Variants in CLEC16A observed in about 807,000 individuals in gnomAD.
The protein encoded by CLEC16A is C-type lectin domain containing 16A.
A neutral mutation model predicts 109.5 loss-of-function variants in CLEC16A; 51 were observed. That is an observed-to-expected ratio of 0.47 (90% confidence interval 0.37 to 0.59). The LOEUF is 0.59. CLEC16A is among the 20% of genes least tolerant of loss of function. CLEC16A has a pLI of 0.00. For missense variants in CLEC16A, 1,339 were observed against 1,394.0 expected (o/e 0.96, Z 0.63); for synonymous variants, 673 against 564.2 (o/e 1.19, Z -2.73).
intron 21 of CLEC16A, among the ~76,000 whole-genome samples, chr16:11,125,661 A>T (rs1272332331): frequency 6.6e-6 from 1 of 152,226 alleles, no homozygotes; most frequent in Non-Finnish European, 1.5e-5. Context: ...GGTCCTTTAC[A>T]CATGGAAGCT....
At chr16:10,962,735 G>T in intron 3 of CLEC16A, 147 bp downstream of exon 3, 1 of 917,780 alleles carries the variant, frequency 1.1e-6, no homozygotes, top group Non-Finnish European at 1.7e-6. Context: ...AAACAATAGA[G>T]ATTTGTTTTC....
At chr16:11,144,245 A>G (rs949289968) in intron 22 of CLEC16A, among the ~76,000 whole-genome samples, 3 of 152,216 alleles carry the variant, frequency 2.0e-5, no homozygotes, top group African/African-American at 7.2e-5. Flanking sequence ...GAGCTGAGTG[A>G]ACATCCATCC....
intron 22 of CLEC16A, among the ~76,000 whole-genome samples, chr16:11,131,352 G>A (rs897118562): frequency 6.6e-6 from 1 of 152,248 alleles, no homozygotes; most frequent in East Asian, 1.9e-4. Flanking sequence ...AACTCCAAGT[G>A]GACCAGCAGA....
At chr16:11,055,575 CTTTTTTTTTTTTTTTTT>C (rs71136609) in intron 18 of CLEC16A, among the ~76,000 whole-genome samples, 1 of 41,756 alleles carries the variant, frequency 2.4e-5, no homozygotes, top group East Asian at 7.2e-4. Flanking sequence ...TTCCCTCTTG[CTTTTTTTTTTTTTTTTT>C]TTTTTTTTTT....
intron 1 of CLEC16A, among the ~76,000 whole-genome samples, chr16:10,945,901 C>T (rs148616225): frequency 6.6e-6 from 1 of 152,142 alleles, no homozygotes; most frequent in Non-Finnish European, 1.5e-5. Flanking sequence ...TGGCACTTCA[C>T]GAGGGCACAG....
At chr16:11,100,106 A>C (rs186469691) in intron 19 of CLEC16A, among the ~76,000 whole-genome samples, 18 of 152,194 alleles carry the variant, frequency 1.2e-4, no homozygotes, top group Admixed American at 1.1e-3. Flanking sequence ...CTTTTGCCTA[A>C]AAAAAATTCA....
intron 2 of CLEC16A, among the ~76,000 whole-genome samples, chr16:10,960,368 G>A (rs746152506): frequency 6.6e-6 from 1 of 152,156 alleles, no homozygotes; most frequent in Non-Finnish European, 1.5e-5. Flanking sequence ...AGAAATGCTA[G>A]CCAGGTCTCC....
intron 22 of CLEC16A, chr16:11,136,370 T>A (rs1242234917): frequency 6.6e-6 from 1 of 152,234 alleles, no homozygotes; most frequent in Non-Finnish European, 1.5e-5. Context: ...CATTAGGCTC[T>A]TGTGACATAA....
chr16:10,998,526 C>A (rs969083337), intron 10 of CLEC16A, among the ~76,000 whole-genome samples: 6 of 152,162 alleles, frequency 3.9e-5, no homozygotes, highest in Non-Finnish European at 2.9e-5. Flanking sequence ...GAAAATCAAC[C>A]CAAACGCCTT....
In CLEC16A at chr16:11,120,519, G is replaced by A. The variant is rs1212626783; in HGVS notation, c.2117-96G>A. 4 of 1,330,146 alleles carry A rather than the reference G, an allele frequency of 3.0e-6. No individual in the cohort carries two copies. In the African/African-American group the frequency reaches 5.9e-5, roughly 20 times the overall value. The allele number at this position is 1,330,146 out of a possible 1,614,324, so 82.4% of individuals were successfully genotyped here. Reference sequence around the variant, plus strand: ...TCTAGGCCTGGGCTCTAACCACTGAGCTCTGCTCCTGATAGAATGAGAGTC... The same window carrying A: ...TCTAGGCCTGGGCTCTAACCACTGAACTCTGCTCCTGATAGAATGAGAGTC... On this transcript the variant is annotated intron_variant, in intron 19 of 23. Coordinates refer to ENST00000409790, the MANE Select transcript of CLEC16A (RefSeq NM_015226.3).
chr16:10,967,899 C>T (rs967273265), intron 3 of CLEC16A, among the ~76,000 whole-genome samples: 2 of 152,026 alleles, frequency 1.3e-5, no homozygotes, highest in African/African-American at 4.8e-5. Flanking sequence ...ACACTTCTCA[C>T]ATGCAGAGTG....
intron 21 of CLEC16A, among the ~76,000 whole-genome samples, chr16:11,125,615 C>T (rs1263000507): frequency 6.6e-6 from 1 of 152,218 alleles, no homozygotes; most frequent in East Asian, 1.9e-4. Flanking sequence ...GCAGACTCGG[C>T]CCCACTCGCT....
intron 22 of CLEC16A, among the ~76,000 whole-genome samples, chr16:11,146,473 T>G (rs1597558715): frequency 8.1e-6 from 1 of 124,066 alleles, no homozygotes; most frequent in Non-Finnish European, 1.6e-5. Context: ...GATGGATAAA[T>G]GGGTAAAGGG....
intron 23 of CLEC16A, among the ~76,000 whole-genome samples, chr16:11,172,548 T>G (rs1398783056): frequency 1.3e-5 from 2 of 152,196 alleles, no homozygotes; most frequent in Non-Finnish European, 2.9e-5. Flanking sequence ...TTATTTATTT[T>G]TAATTTGGGG....
chr16:11,095,766 C>T (rs1466032728), intron 19 of CLEC16A, among the ~76,000 whole-genome samples: 1 of 146,574 alleles, frequency 6.8e-6, no homozygotes, highest in Admixed American at 7.0e-5. Flanking sequence ...GAGCCGAGAT[C>T]GTACCGCTGC....
intron 3 of CLEC16A, among the ~76,000 whole-genome samples, chr16:10,965,679 G>C (rs565119327): frequency 9.9e-5 from 15 of 152,168 alleles, no homozygotes; most frequent in African/African-American, 2.7e-4. Context: ...ACAGAGTCCC[G>C]AGAGACTGAG....
intron 19 of CLEC16A, 70 bp downstream of exon 19, chr16:11,061,092 T>G: frequency 6.8e-7 from 1 of 1,480,834 alleles, no homozygotes; most frequent in South Asian, 1.4e-5. Flanking sequence ...CTCTGCTGAT[T>G]CACACGCCAC....
chr16:11,153,316 T>C (rs1416688177), intron 22 of CLEC16A, among the ~76,000 whole-genome samples: 1 of 152,118 alleles, frequency 6.6e-6, no homozygotes, highest in African/African-American at 2.4e-5. Context: ...CTTCTCGTTT[T>C]CTGTTGCCTT....
At chr16:11,031,964 A>C (rs949568562) in intron 13 of CLEC16A, among the ~76,000 whole-genome samples, 19 of 152,224 alleles carry the variant, frequency 1.2e-4, no homozygotes, top group Non-Finnish European at 2.9e-5. Flanking sequence ...TGTGCTCAAC[A>C]TGGGGACTAC....
Sources: allele counts gnomAD v4.1 joint callset (sites outside exome capture counted in the v4.1 genomes callset), GRCh38; gene constraint gnomAD v4.1.1; transcripts MANE v1.5; gene names NCBI Gene and HGNC (gene_info 2026-07-23, HGNC 2026-07-21).